Variants in COLEC12 observed in about 807,000 individuals in gnomAD.
The protein encoded by COLEC12 is collectin-12.
Under a neutral mutation model 71.1 loss-of-function variants are expected in COLEC12, and 33 were observed. That is an observed-to-expected ratio of 0.46 (90% CI 0.35 to 0.62). COLEC12 has a LOEUF of 0.62. COLEC12 is among the 20% of genes least tolerant of loss of function. The pLI is 0.00. For missense variants in COLEC12, 765 were observed against 916.1 expected, an observed-to-expected ratio of 0.84 and a Z score of 2.13; for synonymous variants, 350 against 353.0, an observed-to-expected ratio of 0.99 and a Z score of 0.10.
At position 399,404 on chromosome 18, in the gene COLEC12, C is replaced by T. The variant is rs1357863214; in HGVS notation, c.59-41882G>A. On this transcript the variant is annotated intron_variant, in intron 2 of 9. Coordinates refer to ENST00000400256, the MANE Select transcript of COLEC12 (RefSeq NM_130386.3). The surrounding 1 kb of genome is among the most constrained non-coding windows in gnomAD (Gnocchi z 4.0). ...TAGCGCGCAGCTCTGTGCCCCTGCC[C>T]AGCCACTCCCTGATAGCTGGAATCC... Among the ~76,000 whole-genome samples, 2 of 152,208 alleles carry T rather than the reference C, an allele frequency of 1.3e-5. No individual in the cohort carries two copies. Among genetic ancestry groups the T allele is most frequent in the African/African-American group, 4.8e-5 (2 of 41,450 alleles).
At chr18:329,567 T>C (rs1425834442) in intron 8 of COLEC12, among the ~76,000 whole-genome samples, 1 of 152,202 alleles carries the variant, frequency 6.6e-6, no homozygotes, top group African/African-American at 2.4e-5. Flanking sequence ...TGTTGGGCAC[T>C]TTCCTTGGCT....
At chr18:489,069 A>C (rs2143786960) in intron 1 of COLEC12, among the ~76,000 whole-genome samples, 1 of 152,218 alleles carries the variant, frequency 6.6e-6, no homozygotes, top group Non-Finnish European at 1.5e-5. Context: ...AAAGACAGCC[A>C]CTCCAAGGCT....
chr18:321,402 T>C (rs750557556), intron 9 of COLEC12, among the ~76,000 whole-genome samples: 1 of 152,250 alleles, frequency 6.6e-6, no homozygotes, highest in Non-Finnish European at 1.5e-5. Flanking sequence ...GATACTTATG[T>C]GGGTCAGTTA....
intron 2 of COLEC12, among the ~76,000 whole-genome samples, chr18:407,044 G>T (rs1405384799): frequency 6.6e-6 from 1 of 152,244 alleles, no homozygotes; most frequent in Non-Finnish European, 1.5e-5. Context: ...TGCTAGATGG[G>T]CACAGTCGAA....
At chr18:470,221 T>C (rs949307925) in intron 2 of COLEC12, among the ~76,000 whole-genome samples, 4 of 44,424 alleles carry the variant, frequency 9.0e-5, no homozygotes, top group Non-Finnish European at 1.6e-4. Context: ...GGCCAGGAAA[T>C]TTTTTTTTTT....
chr18:494,515 G>C, intron 1 of COLEC12, among the ~76,000 whole-genome samples: 1 of 152,190 alleles, frequency 6.6e-6, no homozygotes, highest in East Asian at 1.9e-4. Context: ...AGGGGGTTAA[G>C]TGACTTGCCT....
chr18:413,320 A>C (rs1915927395), intron 2 of COLEC12, among the ~76,000 whole-genome samples: 1 of 152,236 alleles, frequency 6.6e-6, no homozygotes, highest in Non-Finnish European at 1.5e-5. Context: ...ATCTATCAGA[A>C]TGGCTGACAT....
chr18:397,209 G>T (rs919518836), intron 2 of COLEC12, among the ~76,000 whole-genome samples: 2 of 152,094 alleles, frequency 1.3e-5, no homozygotes, highest in Admixed American at 1.3e-4. Flanking sequence ...GACTTTGTTT[G>T]CAGGCAGGTT....
At chr18:478,643 A>G (rs1411921081) in intron 2 of COLEC12, among the ~76,000 whole-genome samples, 1 of 152,074 alleles carries the variant, frequency 6.6e-6, no homozygotes, top group Non-Finnish European at 1.5e-5. Flanking sequence ...AAACACAAAA[A>G]ACACCTCAAA....
At chr18:456,637 AC>A (rs368940042) in intron 2 of COLEC12, among the ~76,000 whole-genome samples, 4 of 152,352 alleles carry the variant, frequency 2.6e-5, no homozygotes, top group African/African-American at 9.6e-5. Flanking sequence ...CTTACTGGAA[AC>A]CCACTGGCAG....
chr18:470,621 G>A (rs1388452555), intron 2 of COLEC12, among the ~76,000 whole-genome samples: 4 of 152,080 alleles, frequency 2.6e-5, no homozygotes, highest in Non-Finnish European at 5.9e-5. Context: ...CAGGCATGGT[G>A]ATATACGCCT....
At chr18:379,136 T>C (rs75464355) in intron 2 of COLEC12, among the ~76,000 whole-genome samples, 2 of 151,846 alleles carry the variant, frequency 1.3e-5, no homozygotes, top group East Asian at 1.9e-4. Flanking sequence ...TTTTTTTTTT[T>C]CTTTGAGACA....
chr18:476,823 T>C (rs1917315148), intron 2 of COLEC12, among the ~76,000 whole-genome samples: 1 of 152,188 alleles, frequency 6.6e-6, no homozygotes, highest in African/African-American at 2.4e-5. Context: ...TCCCAGAAAA[T>C]GAACTCTGCC....
intron 2 of COLEC12, among the ~76,000 whole-genome samples, chr18:403,439 C>T (rs1032033299): frequency 6.6e-6 from 1 of 152,162 alleles, no homozygotes; most frequent in Middle Eastern, 3.2e-3. Flanking sequence ...GGCAGCAGCA[C>T]CCATTTGCTC....
At chr18:354,076 T>G (rs1914577950) in intron 3 of COLEC12, among the ~76,000 whole-genome samples, 1 of 152,236 alleles carries the variant, frequency 6.6e-6, no homozygotes, top group East Asian at 1.9e-4. Context: ...TTTAGAAGGT[T>G]GCCTGTTGGA....
At chr18:343,570 T>C (rs1284116870) in intron 5 of COLEC12, among the ~76,000 whole-genome samples, 1 of 151,970 alleles carries the variant, frequency 6.6e-6, no homozygotes, top group African/African-American at 2.4e-5. Flanking sequence ...CTCAACACCT[T>C]GCTTAAAACC....
At chr18:358,118 C>T (rs1028713102) in intron 2 of COLEC12, among the ~76,000 whole-genome samples, 5 of 152,010 alleles carry the variant, frequency 3.3e-5, no homozygotes, top group South Asian at 2.1e-4. Flanking sequence ...AACCATCTCC[C>T]GCCCCCTGTC....
chr18:499,356 G>C (rs1917774207), intron 1 of COLEC12, among the ~76,000 whole-genome samples: 1 of 152,240 alleles, frequency 6.6e-6, no homozygotes, highest in African/African-American at 2.4e-5. Flanking sequence ...CTTGGAAAGG[G>C]AGTGAATTGG....
chr18:372,478 C>T (rs530211366), intron 2 of COLEC12, among the ~76,000 whole-genome samples: 47 of 152,192 alleles, frequency 3.1e-4, no homozygotes, highest in Admixed American at 2.5e-3. Context: ...AGTGCAGTGG[C>T]GTGATCTTGG....
Sources: gnomAD v4.1 joint callset for allele counts (sites outside exome capture counted in the v4.1 genomes callset) on GRCh38, gnomAD v4.1.1 for gene constraint, Gnocchi (gnomAD v3.1) non-coding constraint, MANE v1.5 for transcripts, NCBI Gene and HGNC (gene_info 2026-07-23, HGNC 2026-07-21) for gene names.